Variants in CEP72 observed in about 807,000 individuals in gnomAD.
The protein encoded by CEP72 is centrosomal protein of 72 kDa.
In CEP72, 78 loss-of-function variants were observed where a neutral mutation model predicts 65.7. The observed-to-expected ratio is 1.19, with a 90% CI of 0.99 to 1.43. The LOEUF (loss-of-function observed/expected upper bound fraction) is 1.43. Among genes scored for constraint, CEP72 ranks in the 40% most tolerant of loss-of-function variants. The pLI, the probability that CEP72 is intolerant of heterozygous loss-of-function variation, is 0.00. For missense variants in CEP72, 914 were observed against 832.9 expected, an observed-to-expected ratio of 1.10 and a Z score of -1.20; for synonymous variants, 358 against 351.7, an observed-to-expected ratio of 1.02 and a Z score of -0.20.
chr5:673,435 CAG>C, the CEP72 span, among the ~76,000 whole-genome samples: 4 of 151,968 alleles, frequency 2.6e-5, no homozygotes, highest in East Asian at 7.8e-4. Flanking sequence ...GCCAGGGTCA[CAG>C]GGGTCCATGG....
In CEP72 at chr5:624,444, A is replaced by G. The variant is rs2126748668; in HGVS notation, c.404-27A>G. On this transcript the variant is annotated intron_variant, in intron 3 of 11. Coordinates refer to ENST00000264935, the MANE Select transcript of CEP72 (RefSeq NM_018140.4). This position sits in a 1 kb window ranked among gnomAD's most constrained non-coding sequence, Gnocchi z 4.7. The stretch of plus-strand genomic sequence containing the variant: ...CAGCCGCCCGCCGCTTGCCACCTGC[A>G]CAGTCTTGTGTGGCCTTTTCTTCTA... The G allele has an allele frequency of 6.4e-7, 1 of 1,574,254 alleles. No individual in the cohort carries two copies. The highest frequency in any genetic ancestry group is 8.7e-7 in the Non-Finnish European group (1 of 1,143,684).
downstream of CEP72, among the ~76,000 whole-genome samples, chr5:657,433 A>G (rs1256087852): frequency 6.6e-6 from 1 of 152,216 alleles, no homozygotes; most frequent in Non-Finnish European, 1.5e-5. Context: ...CCACCGTAAA[A>G]TGAGCTAGGT....
chr5:641,756 G>A (rs1466205184), intron 9 of CEP72: 1 of 977,938 alleles, frequency 1.0e-6, no homozygotes, highest in Non-Finnish European at 1.2e-6. Flanking sequence ...CCAGAAGCCT[G>A]TGCATTTAAG....
At chr5:652,743 T>C (rs1415632478) in intron 11 of CEP72, among the ~76,000 whole-genome samples, 1 of 152,232 alleles carries the variant, frequency 6.6e-6, no homozygotes, top group African/African-American at 2.4e-5. Flanking sequence ...CATTCATTCA[T>C]TCCATAGGTG....
At chr5:613,232 A>G (rs2126720639) in intron 1 of CEP72, among the ~76,000 whole-genome samples, 1 of 152,312 alleles carries the variant, frequency 6.6e-6, no homozygotes, top group Middle Eastern at 3.4e-3. Flanking sequence ...TACTGGACCA[A>G]CAGGTTCAGT....
intron 4 of CEP72, among the ~76,000 whole-genome samples, chr5:625,836 TC>T (rs1163647422): frequency 6.6e-6 from 1 of 151,886 alleles, no homozygotes; most frequent in African/African-American, 2.4e-5. Flanking sequence ...CAGGCCGTCT[TC>T]CCCTGTGTCT....
intron 10 of CEP72, among the ~76,000 whole-genome samples, chr5:646,987 G>C (rs750718683): frequency 6.6e-6 from 1 of 152,348 alleles, no homozygotes; most frequent in Non-Finnish European, 1.5e-5. Context: ...CCAGCACGGG[G>C]ACTGGAAGGT....
intron 11 of CEP72, 94 bp from the exon 12 acceptor site, chr5:652,894 G>A: frequency 3.7e-6 from 5 of 1,365,614 alleles, no homozygotes; most frequent in Non-Finnish European, 4.9e-6. Flanking sequence ...GCACCTTCGT[G>A]CCCATGCAGG....
At chr5:619,147 A>T (rs750694242) in intron 2 of CEP72, 30 bp downstream of exon 2, 1 of 1,599,974 alleles carries the variant, frequency 6.3e-7, no homozygotes. Context: ...CTTAAAATTT[A>T]TTGCTATCAA....
At chr5:646,407 T>G (rs886381809) in intron 10 of CEP72, among the ~76,000 whole-genome samples, 3 of 152,258 alleles carry the variant, frequency 2.0e-5, no homozygotes, top group Non-Finnish European at 4.4e-5. Context: ...CAATACTTTC[T>G]GCTGCTTTTT....
At chr5:633,722 C>A in intron 4 of CEP72, 47 bp from the exon 5 acceptor site, 1 of 1,576,220 alleles carries the variant, frequency 6.3e-7, no homozygotes, top group Non-Finnish European at 8.7e-7. Context: ...TGGGCCGGAG[C>A]ATATGGCTGG....
At chr5:673,618 C>T in the CEP72 span, among the ~76,000 whole-genome samples, 20 of 152,204 alleles carry the variant, frequency 1.3e-4, no homozygotes, top group Non-Finnish European at 2.2e-4. Flanking sequence ...TCAGCCTCAA[C>T]CCCTCGCTGG....
intron 3 of CEP72, chr5:665,331 T>C (rs759782970): frequency 6.3e-7 from 1 of 1,586,188 alleles, no homozygotes; most frequent in Non-Finnish European, 8.6e-7. Flanking sequence ...GGCAGGTGAG[T>C]TGCGAGCCAG....
Position 640,570 on chromosome 5 carries a change from T to C in CEP72, c.1505T>C (p.Val502Ala). Residue 502 changes from valine (V) to alanine (A), a missense_variant, in exon 9 of 12, where the codon GTG becomes GCG. Transcript: ENST00000264935. ...QQQHAREMSE[V>A]TAELHHTHKE... ...CAGCACGCCCGGGAGATGAGCGAGG[T>C]GACGGCGGAGCTGCACCACACACAC... is the stretch of plus-strand genomic sequence containing the variant. The C allele has an allele frequency of 6.2e-7, 1 of 1,613,646 alleles. No individual in the cohort carries two copies. Among genetic ancestry groups the C allele is most frequent in the Non-Finnish European group, 8.5e-7 (1 of 1,180,006 alleles).
intron 9 of CEP72, chr5:643,575 CAG>C (rs1738206139): frequency 1.0e-6 from 1 of 985,268 alleles, no homozygotes; most frequent in African/African-American, 1.7e-5. Context: ...TGCACAGACT[CAG>C]GCGCTCCCTC....
the CEP72 span, among the ~76,000 whole-genome samples, chr5:674,190 T>C: frequency 6.6e-6 from 1 of 152,168 alleles, no homozygotes; most frequent in Admixed American, 6.5e-5. Context: ...TCTGCTCCTG[T>C]GTATCCTGGA....
chr5:625,693 A>G (rs917215837), intron 4 of CEP72, among the ~76,000 whole-genome samples: 1 of 151,784 alleles, frequency 6.6e-6, no homozygotes, highest in African/African-American at 2.4e-5. Flanking sequence ...GGACAGCAGC[A>G]CTCTGGTACC....
the CEP72 span, among the ~76,000 whole-genome samples, chr5:674,835 T>A: frequency 1.3e-5 from 2 of 151,348 alleles, no homozygotes; most frequent in African/African-American, 4.9e-5. Flanking sequence ...ATAAGCCCTG[T>A]GGATGATGTG....
chr5:665,353 A>C, intron 3 of CEP72: 1 of 1,526,920 alleles, frequency 6.5e-7, no homozygotes, highest in Non-Finnish European at 8.9e-7. Context: ...TGAGGCCAGC[A>C]AGTGAAATGG....
Sources: gnomAD v4.1 joint callset for allele counts (sites outside exome capture counted in the v4.1 genomes callset) on GRCh38, gnomAD v4.1.1 for gene constraint, Gnocchi (gnomAD v3.1) non-coding constraint, MANE v1.5 for transcripts, NCBI Gene and HGNC (gene_info 2026-07-23, HGNC 2026-07-21) for gene names.